The following SLC9A7 variants were observed in gnomAD, a reference collection of about 807,000 sequenced individuals.
SLC9A7 encodes the protein solute carrier family 9 member A7, also known as sodium/hydrogen exchanger 7.
In SLC9A7, 19 loss-of-function variants were observed where a neutral mutation model predicts 52.6. The ratio of observed to expected loss-of-function variants is 0.36; its 90% CI spans 0.25 to 0.53. The LOEUF (loss-of-function observed/expected upper bound fraction) is 0.53, where lower values mean the gene tolerates loss of function less well. SLC9A7 is among the 20% of genes least tolerant of loss of function. The pLI, the probability that SLC9A7 is intolerant of heterozygous loss-of-function variation, is 0.91. For missense variants in SLC9A7, 455 were observed against 597.9 expected (o/e 0.76, Z 2.49); for synonymous variants, 226 against 252.1 (o/e 0.90, Z 0.98).
At chrX:46,668,776 T>C (rs1943965499) in intron 5 of SLC9A7, among the ~76,000 whole-genome samples, 1 of 111,599 alleles carries the variant, frequency 9.0e-6, no homozygotes, top group African/African-American at 3.3e-5. Flanking sequence ...TGTTGTTTAA[T>C]GGGTATAGCA....
At chrX:46,715,265 T>C (rs1004965536) in intron 1 of SLC9A7, among the ~76,000 whole-genome samples, 3 of 112,170 alleles carry the variant, frequency 2.7e-5, no homozygotes, top group Non-Finnish European at 5.6e-5. Flanking sequence ...CCTCCCTAAC[T>C]AGACTGTAAA....
chrX:46,755,927 C>G (rs1044290078), intron 1 of SLC9A7, among the ~76,000 whole-genome samples: 4 of 109,109 alleles, frequency 3.7e-5, no homozygotes, highest in East Asian at 2.8e-4. Flanking sequence ...TTCCTCTCCC[C>G]CAAGGAAACC....
chrX:46,662,134 G>T lies in SLC9A7; in HGVS notation c.923C>A (p.Ala308Glu). 8.3e-7 allele frequency: 1 copy of T among 1,207,924 alleles called. No individual in the cohort carries two copies. The highest frequency in any genetic ancestry group is 1.1e-6 in the Non-Finnish European group (1 of 893,718). The change falls in exon 7 of 17, where the codon GCG (alanine) becomes GAG (glutamate). Residue 308 changes from alanine to glutamate, a missense_variant. This residue lies in a region of SLC9A7 where 304 missense variants were observed against 417.8 expected (regional missense o/e 0.73). Transcript: ENST00000616978. ...LSSSIVAYQP[A>E]GLNTHAFDAA... ...ATCAAAGGCGTGAGTGTTCAGTCCC[G>T]CTGGCTGGTAGGCAACAATAGACCT...
intron 1 of SLC9A7, among the ~76,000 whole-genome samples, chrX:46,756,979 T>C (rs782800789): frequency 8.9e-6 from 1 of 112,414 alleles, no homozygotes; most frequent in East Asian, 2.8e-4. Context: ...AAAATATATT[T>C]TCAAATCCCC....
intron 7 of SLC9A7, among the ~76,000 whole-genome samples, chrX:46,655,805 G>A (rs1014979388): frequency 2.7e-5 from 3 of 112,679 alleles, no homozygotes; most frequent in African/African-American, 6.4e-5. Context: ...AGGGGCGCCC[G>A]CCATTGCCCA....
Position 46,748,496 on chromosome X carries a change from G to A in SLC9A7, c.325+10209C>T, listed in dbSNP as rs1356826716. Among the ~76,000 whole-genome samples the A allele has an allele frequency of 2.4e-3, 255 of 106,471 alleles. 1 individual carries two copies. The highest frequency in any genetic ancestry group is 9.0e-3 in the Admixed American group (89 of 9,895). 92.5% of individuals were successfully genotyped at this position (106,471 alleles called of 115,157 possible). A position where few individuals can be genotyped will look rare whatever the true frequency, so the allele number is the denominator to read the frequency against. On this transcript the variant is annotated intron_variant, in intron 1 of 16. Transcript: ENST00000616978. ...GTGTTCATAGTAGCATTATTCAAAAGGTGGAAATAACCCGAGTGTCCACCA... is the reference window on the plus strand; with the variant it reads ...GTGTTCATAGTAGCATTATTCAAAAAGTGGAAATAACCCGAGTGTCCACCA...
Position 46,643,273 on chromosome X carries a change from C to T in SLC9A7, c.1579G>A (p.Gly527Arg). The change falls in exon 12 of 17, where the codon GGA becomes AGA. Residue 527 changes from glycine to arginine, a missense_variant. Gly to Arg is a moderately radical substitution (Grantham distance 125, BLOSUM62 -2). Transcript: ENST00000616978. ...CATGACAACATGGGTGTCGTGCCTC[C>T]TCCAATGATCCAGACAGTGAAGAAC... ...IVFFTVWIIG[G>R]GTTPMLSWLN... 1 of 1,210,144 alleles carries T rather than the reference C, an allele frequency of 8.3e-7. No homozygotes were observed. Among genetic ancestry groups the T allele is most frequent in the Non-Finnish European group, 1.1e-6 (1 of 894,369 alleles).
At chrX:46,712,589 A>G (rs1229760874) in intron 1 of SLC9A7, among the ~76,000 whole-genome samples, 1 of 111,703 alleles carries the variant, frequency 9.0e-6, no homozygotes, top group Non-Finnish European at 1.9e-5. Context: ...TATCCAAACC[A>G]TATCAGTTAC....
intron 13 of SLC9A7, among the ~76,000 whole-genome samples, chrX:46,632,729 G>A (rs1943242482): frequency 9.0e-6 from 1 of 111,437 alleles, no homozygotes; most frequent in Non-Finnish European, 1.9e-5. Context: ...AACAACGTCT[G>A]CCTTACTGTT....
chrX:46,613,510 C>A, intron 15 of SLC9A7, 116 bp from the exon 16 acceptor site: 1 of 448,341 alleles, frequency 2.2e-6, no homozygotes, highest in East Asian at 3.8e-5. Flanking sequence ...CCATTTTACT[C>A]GTACAACACA....
At chrX:46,728,249 T>C (rs1165900903) in intron 1 of SLC9A7, among the ~76,000 whole-genome samples, 1 of 111,686 alleles carries the variant, frequency 9.0e-6, no homozygotes, top group Non-Finnish European at 1.9e-5. Context: ...TAGAAAATAT[T>C]GCATACTACT....
intron 1 of SLC9A7, among the ~76,000 whole-genome samples, chrX:46,738,819 G>C (rs1921092007): frequency 9.1e-6 from 1 of 109,588 alleles, no homozygotes; most frequent in African/African-American, 3.3e-5. Context: ...CATTGATTCA[G>C]AGAGATTAGT....
rs948004039 is a variant in SLC9A7 at position 46,668,440 on chromosome X, G to C, written c.793+1167C>G. Among the ~76,000 whole-genome samples, 7 of 111,524 alleles carry C rather than the reference G, an allele frequency of 6.3e-5. No individual in the cohort carries two copies. The East Asian group carries it at 1.7e-3, about 27-fold the overall frequency. On this transcript the variant is annotated intron_variant, in intron 5 of 16. Coordinates refer to ENST00000616978, the MANE Select transcript of SLC9A7 (RefSeq NM_001257291.2). ...GGCAGAGGAGGCAGAGGCGGAGGCA[G>C]AGGTTACGGTGAGCCAAGATTGTGC... is the stretch of plus-strand genomic sequence containing the variant.
chrX:46,621,027 T>C lies in SLC9A7; in HGVS notation c.1773A>G (p.Thr591=), dbSNP rs763045025. 4 of 1,208,312 alleles carry C rather than the reference T, an allele frequency of 3.3e-6. No individual in the cohort carries two copies. The highest frequency in any genetic ancestry group is 5.9e-5 in the East Asian group (2 of 33,768). The part of the protein sequence containing the change: ...DGPDSARGNR[T]KQESAWIFRL... ...TGAATATCCATGCGCTCTCCTGTTT[T>C]GTCCGGTTTCCTCTGGCAGAATCTG... is the stretch of plus-strand genomic sequence containing the variant. Residue 591 remains threonine, a synonymous_variant, in exon 15 of 17, where the codon ACA becomes ACG. Transcript: ENST00000616978.
intron 2 of SLC9A7, 136 bp downstream of exon 2, chrX:46,682,200 C>T (rs1262226590): frequency 1.5e-5 from 9 of 610,452 alleles, no homozygotes; most frequent in Non-Finnish European, 2.0e-5. Flanking sequence ...GACCAAAAAG[C>T]TTTGTAACAA....
At chrX:46,665,557 C>CAAAAAAAAAAAAAAAAAAAAAAA (rs754854403) in intron 5 of SLC9A7, among the ~76,000 whole-genome samples, 1 of 21,782 alleles carries the variant, frequency 4.6e-5, no homozygotes, top group African/African-American at 1.4e-4. Flanking sequence ...GACTCCATCT[C>CAAAAAAAAAAAAAAAAAAAAAAA]AAAAAAAAAA....
intron 16 of SLC9A7, among the ~76,000 whole-genome samples, chrX:46,609,251 T>C (rs1442602433): frequency 1.8e-5 from 2 of 111,984 alleles, no homozygotes; most frequent in African/African-American, 3.2e-5. Context: ...GGGCATGAAC[T>C]GTGATGTGGT....
At chrX:46,633,212 G>A (rs999219892) in intron 13 of SLC9A7, among the ~76,000 whole-genome samples, 13 of 107,116 alleles carry the variant, frequency 1.2e-4, no homozygotes, top group African/African-American at 4.4e-4. Context: ...CCTGGGCCCT[G>A]CCACAGACAG....
chrX:46,614,153 C>T (rs1942905673), intron 15 of SLC9A7, among the ~76,000 whole-genome samples: 1 of 111,247 alleles, frequency 9.0e-6, no homozygotes, highest in Non-Finnish European at 1.9e-5. Flanking sequence ...CTGCAGATGC[C>T]CCTCGACTTA....
Sources: allele counts gnomAD v4.1 joint callset (sites outside exome capture counted in the v4.1 genomes callset), GRCh38; gene constraint gnomAD v4.1.1; regional missense constraint gnomAD v4.1.1; transcripts MANE v1.5; gene names NCBI Gene and HGNC (gene_info 2026-07-23, HGNC 2026-07-21).